NEDD1: variants seen among roughly 807,000 people sequenced by gnomAD.
NEDD1 encodes NEDD1 gamma-tubulin ring complex targeting factor, also known as protein NEDD1.
Under a neutral mutation model 74.0 loss-of-function variants are expected in NEDD1, and 33 were observed. The ratio of observed to expected loss-of-function variants is 0.45; its 90% CI spans 0.34 to 0.60. NEDD1 has a LOEUF of 0.60. Ranked by LOEUF, NEDD1 falls within the 20% of genes least tolerant of loss-of-function variation. The pLI is 0.01. For synonymous variants in NEDD1, 250 were observed against 264.4 expected, an observed-to-expected ratio of 0.95 and a Z score of 0.53; for missense variants, 746 against 776.5, an observed-to-expected ratio of 0.96 and a Z score of 0.47.
intron 6 of NEDD1, among the ~76,000 whole-genome samples, chr12:96,932,668 T>A (rs1055634297): frequency 6.6e-6 from 1 of 150,446 alleles, no homozygotes; most frequent in African/African-American, 2.4e-5. Flanking sequence ...ACAGAAATAA[T>A]TGGAGACATT....
chr12:96,919,341 C>T (rs1055959904), intron 5 of NEDD1, among the ~76,000 whole-genome samples: 17 of 152,326 alleles, frequency 1.1e-4, no homozygotes, highest in Admixed American at 8.5e-4. Flanking sequence ...CTTAACCTCT[C>T]AGTGTCTCAT....
intron 5 of NEDD1, 111 bp downstream of exon 5, chr12:96,917,848 A>G: frequency 7.9e-7 from 1 of 1,259,256 alleles, no homozygotes; most frequent in South Asian, 1.8e-5. Flanking sequence ...AGGCTTCAGA[A>G]TTGAACTAAG....
At chr12:96,924,555 T>C (rs986830029) in intron 6 of NEDD1, among the ~76,000 whole-genome samples, 1 of 152,214 alleles carries the variant, frequency 6.6e-6, no homozygotes, top group African/African-American at 2.4e-5. Context: ...ATTTGATTTT[T>C]TGATGATACA....
intron 6 of NEDD1, 50 bp from the exon 7 acceptor site, chr12:96,934,926 T>TG (rs1876929010): frequency 1.8e-6 from 2 of 1,133,820 alleles, no homozygotes; most frequent in African/African-American, 3.5e-5. Context: ...ATATCAAATG[T>TG]CCTTATGAAT....
At position 96,940,423 on chromosome 12, in the gene NEDD1, A is replaced by G. The variant is rs769170285; in HGVS notation, c.1132A>G (p.Ile378Val). The change falls in exon 10 of 16, where the codon ATA becomes GTA. Residue 378 changes from isoleucine to valine, a missense_variant. Ile to Val is a conservative substitution (Grantham distance 29). Coordinates refer to ENST00000266742, the MANE Select transcript of NEDD1 (RefSeq NM_152905.4). Reference protein sequence around the residue: ...VQEKAGLPRSINTDTLSKETD... With the variant: ...VQEKAGLPRSVNTDTLSKETD... ...ATTCCTATAAGGTTTGCCTCGAAGC[A>G]TAAACACAGACACTTTATCTAAGGA... is the stretch of plus-strand genomic sequence containing the variant. 3.1e-6 allele frequency: 5 copies of G among 1,594,152 alleles called. No homozygotes were observed. Among genetic ancestry groups the G allele is most frequent in the South Asian group, 2.2e-5 (2 of 89,688 alleles).
intron 10 of NEDD1, 90 bp downstream of exon 10, chr12:96,940,627 C>T: frequency 1.2e-6 from 1 of 849,588 alleles, no homozygotes. Flanking sequence ...CAGTCCAACT[C>T]TATTCACGGA....
intron 10 of NEDD1, among the ~76,000 whole-genome samples, chr12:96,942,358 C>G (rs1877745238): frequency 6.6e-6 from 1 of 152,034 alleles, no homozygotes; most frequent in African/African-American, 2.4e-5. Flanking sequence ...AATGACTGTA[C>G]TATAGAATTA....
Position 96,907,530 on chromosome 12 carries a change from C to T in NEDD1, c.-261-74C>T. 5 of 1,255,566 alleles carry T rather than the reference C, an allele frequency of 4.0e-6. No homozygotes were observed. The South Asian group carries it at 5.1e-5, about 13-fold the overall frequency. The allele number at this position is 1,255,566 out of a possible 1,614,324, so 77.8% of individuals were successfully genotyped here. A position where few individuals can be genotyped will look rare whatever the true frequency, so the allele number is the denominator to read the frequency against. On this transcript the variant is annotated intron_variant, in intron 1 of 15. Transcript: ENST00000266742. The stretch of plus-strand genomic sequence containing the variant: ...TCCCGGAGCCTTGTGGGGTGTGCTG[C>T]CTCCGAAAAGTTTGCCTCGTCTCCA...
chr12:96,922,599 CT>C (rs1875223654), intron 6 of NEDD1, among the ~76,000 whole-genome samples: 1 of 152,104 alleles, frequency 6.6e-6, no homozygotes, highest in Non-Finnish European at 1.5e-5. Flanking sequence ...TTGACTATAC[CT>C]TTTGGCCTAA....
chr12:96,907,991 A>G, intron 2 of NEDD1, 135 bp downstream of exon 2: 1 of 571,278 alleles, frequency 1.8e-6, no homozygotes, highest in African/African-American at 1.9e-5. Flanking sequence ...GGCCTCAGTG[A>G]TCTACCCACT....
chr12:96,912,098 GTAAA>G (rs958566125), intron 3 of NEDD1, among the ~76,000 whole-genome samples: 17 of 151,016 alleles, frequency 1.1e-4, no homozygotes, highest in Admixed American at 3.3e-4. Context: ...GTAAAAGAAG[GTAAA>G]TAAAATTACA....
intron 11 of NEDD1, 52 bp from the exon 12 acceptor site, chr12:96,943,508 A>T: frequency 1.6e-6 from 2 of 1,222,672 alleles, no homozygotes; most frequent in Non-Finnish European, 2.4e-6. Context: ...CTTTTCTTCA[A>T]TGTCCAAAAT....
Position 96,952,197 on chromosome 12 carries a change from C to T in NEDD1, c.*144C>T. The T allele has an allele frequency of 3.6e-6, 2 of 552,024 alleles. No homozygotes were observed. The highest frequency in any genetic ancestry group is 6.4e-6 in the Non-Finnish European group (2 of 313,166). The allele number at this position is 552,024 out of a possible 1,614,324, so 34.2% of individuals were successfully genotyped here. On this transcript the variant is annotated 3_prime_UTR_variant, in exon 16 of 16. Coordinates refer to ENST00000266742, the MANE Select transcript of NEDD1 (RefSeq NM_152905.4). ...AAAGGATGATGGGATTTTATACCAA[C>T]AACTGTTTCATCTTAAAAATATGTA...
intron 6 of NEDD1, among the ~76,000 whole-genome samples, chr12:96,933,249 G>A (rs1327414108): frequency 6.6e-6 from 1 of 151,926 alleles, no homozygotes; most frequent in Non-Finnish European, 1.5e-5. Flanking sequence ...GAATCTACCA[G>A]GTCTGTGATT....
At chr12:96,909,916 A>AG in intron 3 of NEDD1, 21 bp downstream of exon 3, 1 of 1,216,330 alleles carries the variant, frequency 8.2e-7, no homozygotes. Flanking sequence ...AAAAAAAAAA[A>AG]CACACACACA....
intron 6 of NEDD1, among the ~76,000 whole-genome samples, chr12:96,924,623 G>GAA: frequency 6.6e-6 from 1 of 152,200 alleles, no homozygotes; most frequent in East Asian, 1.9e-4. Context: ...CTTGTAGAGA[G>GAA]AAACACAGTT....
chr12:96,909,215 A>G (rs897492290), intron 2 of NEDD1, among the ~76,000 whole-genome samples: 3 of 151,782 alleles, frequency 2.0e-5, no homozygotes, highest in Non-Finnish European at 4.4e-5. Flanking sequence ...AGGAAGTGCT[A>G]TGAAAAAAAT....
At chr12:96,939,790 A>C (rs551358872) in intron 9 of NEDD1, among the ~76,000 whole-genome samples, 1 of 151,966 alleles carries the variant, frequency 6.6e-6, no homozygotes, top group Non-Finnish European at 1.5e-5. Context: ...CTACCTTACT[A>C]TTCTTTATGA....
rs200577458 is a variant in NEDD1, at chr12:96,944,701, C to A, written c.1560C>A (p.Asn520Lys). 144 of 1,601,422 alleles carry A rather than the reference C, an allele frequency of 9.0e-5. 1 individual carries two copies. The East Asian group carries it at 3.2e-3, about 35-fold the overall frequency. ...ATCTAAATACCTCTCCATCATCTAACCAAACAAGAAATTCTGAGAAATTTG... is the reference window on the plus strand; with the variant it reads ...ATCTAAATACCTCTCCATCATCTAAACAAACAAGAAATTCTGAGAAATTTG... ...SGNLNTSPSS[N>K]QTRNSEKFEK... The change falls in exon 13 of 16, where the codon AAC (asparagine) becomes AAA (lysine). Residue 520 changes from asparagine (N) to lysine (K), a missense_variant. Physicochemically the swap from Asn to Lys is moderately conservative, Grantham distance 94. Transcript: ENST00000266742.
Sources: allele counts gnomAD v4.1 joint callset (sites outside exome capture counted in the v4.1 genomes callset), GRCh38; gene constraint gnomAD v4.1.1; transcripts MANE v1.5; gene names NCBI Gene and HGNC (gene_info 2026-07-23, HGNC 2026-07-21).